The following ECT2L variants were observed in gnomAD, a reference collection of about 807,000 sequenced individuals.
ECT2L encodes epithelial cell-transforming sequence 2 oncogene-like.
In ECT2L, 126 loss-of-function variants were observed where a neutral mutation model predicts 122.8. The ratio of observed to expected loss-of-function variants is 1.03; its 90% CI spans 0.89 to 1.19. ECT2L has a LOEUF of 1.19. Ranked by LOEUF, ECT2L falls within the 50% of genes most tolerant of loss-of-function variation. The probability of loss-of-function intolerance (pLI) is 0.00; values close to 1 mark genes in which losing one functional copy is unlikely to be tolerated. For missense variants in ECT2L, 1,012 were observed against 1,064.1 expected (o/e 0.95, Z 0.68); for synonymous variants, 385 against 381.8 (o/e 1.01, Z -0.10).
intron 13 of ECT2L, among the ~76,000 whole-genome samples, chr6:138,875,353 T>G (rs1224654887): frequency 6.6e-6 from 1 of 152,236 alleles, no homozygotes; most frequent in Non-Finnish European, 1.5e-5. Flanking sequence ...AAAAATTCGC[T>G]TTTGCCTCAG....
chr6:138,868,346 T>C (rs1304791074), intron 13 of ECT2L, 140 bp downstream of exon 13: 3 of 642,400 alleles, frequency 4.7e-6, no homozygotes, highest in Non-Finnish European at 7.6e-6. Flanking sequence ...TTTATAAAAA[T>C]AGCCACTAAG....
intron 4 of ECT2L, among the ~76,000 whole-genome samples, chr6:138,827,134 G>A (rs982262036): frequency 6.6e-6 from 1 of 152,202 alleles, no homozygotes; most frequent in African/African-American, 2.4e-5. Context: ...GGATCATGAG[G>A]TCAGGAGTTC....
chr6:138,870,872 C>T (rs59508813), intron 13 of ECT2L, among the ~76,000 whole-genome samples: 2,625 of 151,828 alleles, frequency 0.017, 81 homozygotes, highest in African/African-American at 0.06. Context: ...AGCTGGGCAT[C>T]GTGGCATGCC....
At chr6:138,813,910 TTTG>T (rs1443408655) in intron 3 of ECT2L, among the ~76,000 whole-genome samples, 1 of 152,046 alleles carries the variant, frequency 6.6e-6, no homozygotes, top group African/African-American at 2.4e-5. Context: ...TAACAGTGAG[TTTG>T]TTATCTCTAT....
rs79534914 is a variant in ECT2L at position 138,820,396 on chromosome 6, A to C, written c.179+5793A>C. Among the ~76,000 whole-genome samples, 457 of 152,330 alleles carry C rather than the reference A, an allele frequency of 3.0e-3. 1 individual carries two copies. Among genetic ancestry groups the C allele is most frequent in the Non-Finnish European group, 5.0e-3 (343 of 68,022 alleles). On this transcript the variant is annotated intron_variant, in intron 4 of 21. Transcript: ENST00000541398. ...AGACCAATGCTCACTGCAGTTAGTCATTTGAGAACTATTTTGGGACAAGCC... is the reference window on the plus strand; with the variant it reads ...AGACCAATGCTCACTGCAGTTAGTCCTTTGAGAACTATTTTGGGACAAGCC...
At chr6:138,799,497 C>T (rs967047221) in intron 1 of ECT2L, among the ~76,000 whole-genome samples, 6 of 152,122 alleles carry the variant, frequency 3.9e-5, no homozygotes, top group Admixed American at 6.5e-5. Context: ...CCTCATGATC[C>T]GCCCGCCTTG....
chr6:138,834,935 A>ACACACACACACACTCT (rs5880405), intron 4 of ECT2L, among the ~76,000 whole-genome samples: 30 of 142,868 alleles, frequency 2.1e-4, no homozygotes, highest in African/African-American at 6.9e-4. Flanking sequence ...ACACACACAC[A>ACACACACACACACTCT]CTCTCATTCT....
At chr6:138,885,974 T>G in intron 18 of ECT2L, 144 bp downstream of exon 18, 1 of 767,206 alleles carries the variant, frequency 1.3e-6, no homozygotes, top group East Asian at 2.7e-5. Flanking sequence ...AAATCAATAG[T>G]GTGTTCCGTG....
intron 3 of ECT2L, 152 bp from the exon 4 acceptor site, chr6:138,814,339 C>A (rs755899702): frequency 2.4e-6 from 1 of 414,920 alleles, no homozygotes. Context: ...AAAGGAGAGA[C>A]CTTTCTCTCT....
At chr6:138,838,069 G>T (rs2017360) in intron 4 of ECT2L, among the ~76,000 whole-genome samples, 78,031 of 151,676 alleles carry the variant, frequency 0.51, 20,907 homozygotes, top group East Asian at 0.8. Flanking sequence ...CTCAGCTAAT[G>T]TTTTGTATTT....
At chr6:138,814,416 T>C (rs970283719) in intron 3 of ECT2L, 75 bp from the exon 4 acceptor site, 6 of 869,694 alleles carry the variant, frequency 6.9e-6, no homozygotes, top group East Asian at 2.6e-5. Flanking sequence ...TGCTGGTAGA[T>C]TGTCTAAAGA....
intron 20 of ECT2L, among the ~76,000 whole-genome samples, chr6:138,890,492 C>CTTTTTTTTTTTTTTTTCTTTTTTT (rs1778980935): frequency 1.3e-5 from 1 of 78,990 alleles, no homozygotes. Context: ...TTTCTTTGAT[C>CTTTTTTTTTTTTTTTTCTTTTTTT]TTTTTTTTTT....
rs1482935554 is a variant in ECT2L, at chr6:138,866,984, G to T, written c.1475-1119G>T. Among the ~76,000 whole-genome samples the T allele has an allele frequency of 2.0e-5, 3 of 152,008 alleles. No homozygotes were observed. The South Asian group carries it at 6.2e-4, about 32-fold the overall frequency. ...AGCTACTTAGGAGGCTGAGGCACGA[G>T]AACTGCTTGAGCCAGGGAGGCAGAG... is the stretch of plus-strand genomic sequence containing the variant. On this transcript the variant is annotated intron_variant, in intron 12 of 21. Coordinates refer to ENST00000541398, the MANE Select transcript of ECT2L (RefSeq NM_001077706.3).
At chr6:138,842,693 A>T (rs1449483321) in intron 5 of ECT2L, among the ~76,000 whole-genome samples, 1 of 151,274 alleles carries the variant, frequency 6.6e-6, no homozygotes, top group Non-Finnish European at 1.5e-5. Flanking sequence ...AATGGCATGA[A>T]CCCGGGAGGC....
At chr6:138,858,018 C>T (rs943793400) in intron 10 of ECT2L, among the ~76,000 whole-genome samples, 1 of 152,104 alleles carries the variant, frequency 6.6e-6, no homozygotes, top group East Asian at 1.9e-4. Context: ...AGAACTCACT[C>T]GCTCTCACGA....
At chr6:138,875,434 G>T (rs1186987570) in intron 13 of ECT2L, among the ~76,000 whole-genome samples, 1 of 152,252 alleles carries the variant, frequency 6.6e-6, no homozygotes, top group Non-Finnish European at 1.5e-5. Context: ...GGACATCCAA[G>T]GGTTGCCATT....
In ECT2L at chr6:138,847,537, ATTTTTTTT is replaced by A. The variant is rs777070599; in HGVS notation, c.903+875_903+882del. On this transcript the variant is annotated intron_variant, in intron 8 of 21. Transcript: ENST00000541398. ...AGGCGCCCGCCACCATGCCCGGCTAATTTTTTTTTTTTTTTTTTTTTTAGTAAAGACGG... is the reference window on the plus strand; with the variant it reads ...AGGCGCCCGCCACCATGCCCGGCTAATTTTTTTTTTTTTTAGTAAAGACGG... Among the ~76,000 whole-genome samples, 1,197 of 123,808 alleles carry A rather than the reference ATTTTTTTT, an allele frequency of 9.7e-3. 23 individuals are homozygous for A. The highest frequency in any genetic ancestry group is 0.035 in the African/African-American group (1,135 of 32,792). 81.2% of individuals were successfully genotyped at this position (123,808 alleles called of 152,430 possible).
At chr6:138,811,432 C>T (rs562726909) in intron 1 of ECT2L, among the ~76,000 whole-genome samples, 4 of 152,276 alleles carry the variant, frequency 2.6e-5, no homozygotes, top group Admixed American at 2.6e-4. Context: ...GAGATGTATC[C>T]CCTTTCCCCA....
intron 20 of ECT2L, among the ~76,000 whole-genome samples, chr6:138,895,019 G>A (rs555387187): frequency 6.6e-6 from 1 of 152,214 alleles, no homozygotes; most frequent in Non-Finnish European, 1.5e-5. Flanking sequence ...AGCACTTTGG[G>A]AAGCTGAGGT....
Sources: allele counts gnomAD v4.1 joint callset (sites outside exome capture counted in the v4.1 genomes callset), GRCh38; gene constraint gnomAD v4.1.1; transcripts MANE v1.5; gene names NCBI Gene and HGNC (gene_info 2026-07-23, HGNC 2026-07-21).